The following TENM1 variants were observed in gnomAD, a reference collection of about 807,000 sequenced individuals.
TENM1 encodes teneurin transmembrane protein 1.
A neutral mutation model predicts 174.8 loss-of-function variants in TENM1; 35 were observed. The observed-to-expected ratio is 0.20, with a 90% CI of 0.15 to 0.27. The LOEUF (loss-of-function observed/expected upper bound fraction) is 0.27, where lower values mean the gene tolerates loss of function less well. Among genes scored for constraint, TENM1 ranks in the 10% least tolerant of loss-of-function variants. The pLI, the probability that TENM1 is intolerant of heterozygous loss-of-function variation, is 1.00. For missense variants in TENM1, 1,633 were observed against 2,130.1 expected, an observed-to-expected ratio of 0.77 and a Z score of 4.59; for synonymous variants, 781 against 798.7, an observed-to-expected ratio of 0.98 and a Z score of 0.37.
chrX:124,955,653 A>C (rs1263433697), intron 1 of TENM1, among the ~76,000 whole-genome samples: 1 of 111,167 alleles, frequency 9.0e-6, no homozygotes. Flanking sequence ...GAATAGAACC[A>C]CCTATTTCTA....
At chrX:124,596,737 T>C (rs1338144162) in intron 11 of TENM1, among the ~76,000 whole-genome samples, 1 of 111,563 alleles carries the variant, frequency 9.0e-6, no homozygotes, top group African/African-American at 3.3e-5. Flanking sequence ...GGTCAGAGAA[T>C]TCAGGCCTTT....
intron 3 of TENM1, among the ~76,000 whole-genome samples, chrX:124,793,577 AACTG>A (rs1289426955): frequency 8.9e-6 from 1 of 111,738 alleles, no homozygotes; most frequent in African/African-American, 3.2e-5. Flanking sequence ...GGGTTCTGGA[AACTG>A]ACTGCCAAGA....
At chrX:124,395,531 G>A (rs918841993) in intron 27 of TENM1, among the ~76,000 whole-genome samples, 15 of 111,763 alleles carry the variant, frequency 1.3e-4, no homozygotes, top group Non-Finnish European at 1.9e-4. Context: ...TGTGTCAGGG[G>A]TAGGTTTAAT....
intron 3 of TENM1, among the ~76,000 whole-genome samples, chrX:124,838,566 A>C: frequency 9.0e-6 from 1 of 111,483 alleles, no homozygotes; most frequent in East Asian, 2.8e-4. Flanking sequence ...AAGAAAATCA[A>C]GAAAAGGACA....
chrX:124,498,227 AT>A (rs2047245665), intron 19 of TENM1, among the ~76,000 whole-genome samples: 1 of 110,882 alleles, frequency 9.0e-6, no homozygotes, highest in East Asian at 2.9e-4. Context: ...ATTAACTCCC[AT>A]TGAGTCTATC....
At chrX:124,889,441 T>C (rs142209234) in intron 3 of TENM1, among the ~76,000 whole-genome samples, 85 of 111,396 alleles carry the variant, frequency 7.6e-4, no homozygotes, top group South Asian at 1.5e-3. Flanking sequence ...GTCCTGTAGA[T>C]GGAAACTTAG....
chrX:124,965,780 C>G (rs780406590), upstream of TENM1, among the ~76,000 whole-genome samples: 1 of 110,908 alleles, frequency 9.0e-6, no homozygotes, highest in African/African-American at 3.3e-5. Flanking sequence ...GTCTACACAC[C>G]CATAACTTCT....
At chrX:124,999,757 C>A in the TENM1 span, among the ~76,000 whole-genome samples, 2 of 110,718 alleles carry the variant, frequency 1.8e-5, no homozygotes, top group Non-Finnish European at 3.8e-5. Flanking sequence ...TCTTGCTCTA[C>A]AAAGGCAATT....
intron 7 of TENM1, among the ~76,000 whole-genome samples, chrX:124,652,984 G>C (rs1263868685): frequency 7.2e-5 from 8 of 111,709 alleles, no homozygotes; most frequent in African/African-American, 2.0e-4. Context: ...ACAAGCCCCA[G>C]TGTTTGATCA....
intron 4 of TENM1, among the ~76,000 whole-genome samples, chrX:124,735,430 T>A (rs1013064146): frequency 8.9e-6 from 1 of 111,932 alleles, no homozygotes; most frequent in Non-Finnish European, 1.9e-5. Flanking sequence ...GAATGGCTAT[T>A]ATTAAAAAGT....
chrX:124,604,329 A>G (rs986994803), intron 11 of TENM1, among the ~76,000 whole-genome samples: 14 of 111,650 alleles, frequency 1.3e-4, no homozygotes, highest in South Asian at 3.7e-4. Context: ...AATAATGTGT[A>G]GTAGGTTCAA....
intron 11 of TENM1, among the ~76,000 whole-genome samples, chrX:124,567,525 T>C (rs2048967890): frequency 8.9e-6 from 1 of 111,797 alleles, no homozygotes; most frequent in Non-Finnish European, 1.9e-5. Flanking sequence ...CAACATGGAA[T>C]TCGTTGATGA....
chrX:124,996,549 C>CCACA, the TENM1 span, among the ~76,000 whole-genome samples: 24 of 96,146 alleles, frequency 2.5e-4, no homozygotes, highest in East Asian at 1.3e-3. Context: ...AAAAAAAAAA[C>CCACA]CACACACACA....
chrX:124,648,147 T>A (rs760935931), intron 8 of TENM1, among the ~76,000 whole-genome samples: 1 of 112,167 alleles, frequency 8.9e-6, no homozygotes, highest in Non-Finnish European at 1.9e-5. Context: ...TGCAGCCCAG[T>A]CATCTACATT....
intron 23 of TENM1, among the ~76,000 whole-genome samples, chrX:124,436,697 ATCT>A (rs977378112): frequency 9.2e-6 from 1 of 109,273 alleles, no homozygotes; most frequent in African/African-American, 3.3e-5. Flanking sequence ...GCTAGCTGGC[ATCT>A]TCTTCTCAGA....
intron 4 of TENM1, among the ~76,000 whole-genome samples, chrX:124,721,797 A>C (rs916358225): frequency 6.2e-5 from 7 of 112,533 alleles, no homozygotes; most frequent in African/African-American, 2.3e-4. Flanking sequence ...TAAATTGGGC[A>C]TAGTTTCTAT....
At chrX:125,066,528 A>G in the TENM1 span, among the ~76,000 whole-genome samples, 2 of 111,883 alleles carry the variant, frequency 1.8e-5, no homozygotes, top group Non-Finnish European at 3.8e-5. Flanking sequence ...AGGTTATATA[A>G]GACCTGCATT....
At chrX:124,474,258 C>T (rs1053204189) in intron 22 of TENM1, among the ~76,000 whole-genome samples, 2 of 111,530 alleles carry the variant, frequency 1.8e-5, no homozygotes, top group Admixed American at 1.9e-4. Flanking sequence ...AATTTACATA[C>T]ATTATCCAAC....
At chrX:125,125,720 G>C in the TENM1 span, among the ~76,000 whole-genome samples, 1 of 111,711 alleles carries the variant, frequency 9.0e-6, no homozygotes. Context: ...TGATGTCCCT[G>C]TCTGATGTAA....
Sources: allele counts gnomAD v4.1 joint callset (sites outside exome capture counted in the v4.1 genomes callset), GRCh38; gene constraint gnomAD v4.1.1; transcripts MANE v1.5; gene names NCBI Gene and HGNC (gene_info 2026-07-23, HGNC 2026-07-21).